Variants in IL16 observed in about 807,000 individuals in gnomAD.
The protein encoded by IL16 is pro-interleukin-16.
In IL16, 67 loss-of-function variants were observed where a neutral mutation model predicts 110.1. That is an observed-to-expected ratio of 0.61 (90% CI 0.50 to 0.75). The LOEUF (loss-of-function observed/expected upper bound fraction) is 0.75, where lower values mean the gene tolerates loss of function less well. IL16 is among the 30% of genes least tolerant of loss of function. The pLI, the probability that IL16 is intolerant of heterozygous loss-of-function variation, is 0.00. For missense variants in IL16, 1,545 were observed against 1,655.0 expected, an observed-to-expected ratio of 0.93 and a Z score of 1.15; for synonymous variants, 689 against 662.9, an observed-to-expected ratio of 1.04 and a Z score of -0.61.
intron 13 of IL16, 124 bp downstream of exon 13, chr15:81,297,202 C>T (rs895975786): frequency 2.2e-6 from 2 of 919,988 alleles, no homozygotes; most frequent in Non-Finnish European, 3.2e-6. Flanking sequence ...CTGGACCTGG[C>T]TGATCAACAG....
intron 1 of IL16, among the ~76,000 whole-genome samples, chr15:81,217,993 T>A (rs1224193575): frequency 6.6e-6 from 1 of 152,174 alleles, no homozygotes; most frequent in Non-Finnish European, 1.5e-5. Context: ...TGTATTGTCA[T>A]CATGATTTAC....
At chr15:81,305,349 C>T (rs1026823456) in intron 16 of IL16, among the ~76,000 whole-genome samples, 1 of 152,052 alleles carries the variant, frequency 6.6e-6, no homozygotes, top group Admixed American at 6.6e-5. Context: ...CCCAGTATTC[C>T]TCAAGTTTCT....
At chr15:81,209,727 C>T (rs185063425) in intron 1 of IL16, among the ~76,000 whole-genome samples, 2 of 152,180 alleles carry the variant, frequency 1.3e-5, no homozygotes, top group Non-Finnish European at 2.9e-5. Flanking sequence ...CTTCTCCCTT[C>T]TCACGGGGAC....
intron 11 of IL16, among the ~76,000 whole-genome samples, chr15:81,291,077 G>A (rs1899695260): frequency 6.6e-6 from 1 of 152,178 alleles, no homozygotes; most frequent in African/African-American, 2.4e-5. Context: ...CTAGAGCACA[G>A]AGGCTCTGGA....
intron 2 of IL16, among the ~76,000 whole-genome samples, chr15:81,241,367 G>T (rs947149962): frequency 1.3e-5 from 2 of 151,724 alleles, no homozygotes; most frequent in East Asian, 3.9e-4. Context: ...TAAATTTGTA[G>T]ATAAATTTGG....
chr15:81,204,199 C>T (rs986124633), intron 1 of IL16, among the ~76,000 whole-genome samples: 7 of 152,192 alleles, frequency 4.6e-5, no homozygotes, highest in Admixed American at 1.3e-4. Context: ...CTGAAGTTGC[C>T]TATCAGCTTA....
At chr15:81,217,119 C>T (rs1896462550) in intron 1 of IL16, among the ~76,000 whole-genome samples, 2 of 152,138 alleles carry the variant, frequency 1.3e-5, no homozygotes, top group Non-Finnish European at 2.9e-5. Flanking sequence ...GATGTTTTCA[C>T]TGCTTCTAAG....
At chr15:81,280,474 A>T (rs1484747147) in intron 8 of IL16, among the ~76,000 whole-genome samples, 1 of 152,160 alleles carries the variant, frequency 6.6e-6, no homozygotes, top group Non-Finnish European at 1.5e-5. Context: ...TCCTTTATAG[A>T]TTTCTAAGCA....
chr15:81,296,827 A>G (rs1596046884), intron 12 of IL16, 101 bp from the exon 13 acceptor site: 1 of 1,044,968 alleles, frequency 9.6e-7, no homozygotes, highest in East Asian at 2.5e-5. Flanking sequence ...CACTGAAAGC[A>G]GCTCAATATC....
Position 81,279,647 on chromosome 15 carries a change from C to T in IL16, c.954C>T (p.Cys318=). ...GCAGCCACCTGTCTCCCCCACTGTG[C>T]CGCTCCCTGAGCTCCAGCACTTGTA... ...SLCSHLSPPL[C]RSLSSSTCIT... The change falls in exon 8 of 19, where the codon TGC becomes TGT. Residue 318 remains cysteine (C), a synonymous_variant. Transcript: ENST00000683961. The T allele has an allele frequency of 6.2e-7, 1 of 1,614,240 alleles. No homozygotes were observed. The highest frequency in any genetic ancestry group is 8.5e-7 in the Non-Finnish European group (1 of 1,180,036).
At chr15:81,203,144 T>G (rs1428061189) in intron 1 of IL16, among the ~76,000 whole-genome samples, 2 of 149,952 alleles carry the variant, frequency 1.3e-5, no homozygotes, top group African/African-American at 5.1e-5. Context: ...TGTCTGTTCA[T>G]ATCCTTCACC....
chr15:81,188,617 G>C (rs980877331), intron 1 of IL16, among the ~76,000 whole-genome samples: 4 of 152,146 alleles, frequency 2.6e-5, no homozygotes, highest in Non-Finnish European at 5.9e-5. Flanking sequence ...CCTGTGACTA[G>C]GGTGTGCACG....
Position 81,273,076 on chromosome 15 carries a change from CT to C in IL16, c.676-7del. On this transcript the variant is annotated splice_polypyrimidine_tract_variant and intron_variant, in intron 5 of 18. Coordinates refer to ENST00000683961, the MANE Select transcript of IL16 (RefSeq NM_172217.5). ...ATACTACCCCTAAATCAGACCTTCT[CT>C]TTTTTTCCCCAGGGTCTGGGCTTCA... 1.9e-6 allele frequency: 3 copies of C among 1,604,724 alleles called. No homozygotes were observed. Among genetic ancestry groups the C allele is most frequent in the Non-Finnish European group, 2.6e-6 (3 of 1,172,214 alleles).
upstream of IL16, among the ~76,000 whole-genome samples, chr15:81,196,188 C>T (rs114466655): frequency 1.4e-3 from 206 of 152,316 alleles, no homozygotes; most frequent in African/African-American, 4.4e-3. Flanking sequence ...GAAAGGGTGG[C>T]ACAGACAAGA....
At chr15:81,271,216 A>G (rs1898619539) in intron 5 of IL16, among the ~76,000 whole-genome samples, 1 of 152,114 alleles carries the variant, frequency 6.6e-6, no homozygotes, top group Non-Finnish European at 1.5e-5. Flanking sequence ...CTGGAGTTGG[A>G]GACCAGCCTG....
At chr15:81,278,955 A>C in intron 7 of IL16, 65 bp downstream of exon 7, 11 of 1,070,876 alleles carry the variant, frequency 1.0e-5, no homozygotes, top group Non-Finnish European at 1.5e-5. Context: ...CCAAGCTCTC[A>C]GCATCCAAAC....
chr15:81,255,396 A>G (rs1726655691), intron 2 of IL16, among the ~76,000 whole-genome samples: 2 of 152,352 alleles, frequency 1.3e-5, no homozygotes, highest in Middle Eastern at 6.8e-3. Flanking sequence ...GCCTAGTGAG[A>G]TACACCTTAC....
chr15:81,252,151 A>T (rs1443119069), intron 2 of IL16, among the ~76,000 whole-genome samples: 1 of 152,166 alleles, frequency 6.6e-6, no homozygotes, highest in Non-Finnish European at 1.5e-5. Flanking sequence ...GATGAAGGAG[A>T]GAATGGATGG....
At chr15:81,241,327 A>G (rs1349185741) in intron 2 of IL16, among the ~76,000 whole-genome samples, 1 of 152,096 alleles carries the variant, frequency 6.6e-6, no homozygotes, top group Non-Finnish European at 1.5e-5. Flanking sequence ...TAAATCTAAA[A>G]AAAAAAGACT....
Sources: gnomAD v4.1 joint callset for allele counts (sites outside exome capture counted in the v4.1 genomes callset) on GRCh38, gnomAD v4.1.1 for gene constraint, MANE v1.5 for transcripts, NCBI Gene and HGNC (gene_info 2026-07-23, HGNC 2026-07-21) for gene names.